GRIP1: variants seen among roughly 807,000 people sequenced by gnomAD.
The protein encoded by GRIP1 is glutamate receptor interacting protein 1, also known as glutamate receptor-interacting protein 1.
Under a neutral mutation model 129.9 loss-of-function variants are expected in GRIP1, and 45 were observed. The ratio of observed to expected loss-of-function variants is 0.35; its 90% CI spans 0.27 to 0.44. GRIP1 has a LOEUF of 0.44. Ranked by LOEUF, GRIP1 falls within the 20% of genes least tolerant of loss-of-function variation. The probability of loss-of-function intolerance (pLI) is 1.00; values close to 1 mark genes in which losing one functional copy is unlikely to be tolerated. For missense variants in GRIP1, 1,196 were observed against 1,396.8 expected (o/e 0.86, Z 2.29); for synonymous variants, 530 against 520.8 (o/e 1.02, Z -0.24).
chr12:67,058,365 T>C (rs1423270596), intron 1 of GRIP1, among the ~76,000 whole-genome samples: 2 of 152,172 alleles, frequency 1.3e-5, no homozygotes, highest in Admixed American at 1.3e-4. Flanking sequence ...TAAATGAAAG[T>C]GAAAAAGAAA....
intron 1 of GRIP1, among the ~76,000 whole-genome samples, chr12:66,821,390 G>C (rs2039315347): frequency 6.6e-6 from 1 of 152,124 alleles, no homozygotes; most frequent in African/African-American, 2.4e-5. Context: ...CTTCATAACT[G>C]TTATATCTTT....
intron 1 of GRIP1, among the ~76,000 whole-genome samples, chr12:66,670,376 G>T (rs1163340882): frequency 2.6e-5 from 4 of 152,148 alleles, no homozygotes; most frequent in Non-Finnish European, 4.4e-5. Context: ...ATTCCTTCCA[G>T]TCTATGCTGA....
upstream of GRIP1, among the ~76,000 whole-genome samples, chr12:66,680,607 C>G (rs1291666739): frequency 1.3e-5 from 2 of 151,632 alleles, no homozygotes; most frequent in Admixed American, 6.6e-5. Context: ...ATTAGGTTAT[C>G]CCTAGAAATA....
intron 1 of GRIP1, among the ~76,000 whole-genome samples, chr12:66,843,512 T>G (rs79553694): frequency 6.6e-6 from 1 of 152,176 alleles, no homozygotes; most frequent in Admixed American, 6.5e-5. Flanking sequence ...CAAACAATCA[T>G]GAAAAGACTA....
At chr12:66,924,551 G>A (rs888927092) in intron 1 of GRIP1, among the ~76,000 whole-genome samples, 2 of 152,084 alleles carry the variant, frequency 1.3e-5, no homozygotes, top group East Asian at 1.9e-4. Flanking sequence ...CTTAAAACTT[G>A]GTATGGAAAT....
At chr12:66,440,688 C>T (rs2058447613) in intron 13 of GRIP1, among the ~76,000 whole-genome samples, 1 of 152,156 alleles carries the variant, frequency 6.6e-6, no homozygotes, top group Non-Finnish European at 1.5e-5. Flanking sequence ...TTCTCTCCCT[C>T]ATTCATGTCA....
At chr12:66,785,498 C>T (rs752134) in intron 1 of GRIP1, among the ~76,000 whole-genome samples, 4,482 of 151,226 alleles carry the variant, frequency 0.03, 211 homozygotes, top group African/African-American at 0.1. Context: ...GGCAACACAG[C>T]AAGACCCTGT....
intron 19 of GRIP1, among the ~76,000 whole-genome samples, chr12:66,381,016 T>C (rs961599746): frequency 6.6e-6 from 1 of 152,202 alleles, no homozygotes; most frequent in Non-Finnish European, 1.5e-5. Context: ...CCCCATTCAC[T>C]TTCTCTCCAC....
Position 66,596,917 on chromosome 12 carries a change from G to A in GRIP1, c.66C>T (p.Pro22=). Residue 22 remains proline, a synonymous_variant, in exon 2 of 25, where the codon CCC becomes CCT. Coordinates refer to ENST00000359742, the MANE Select transcript of GRIP1 (RefSeq NM_001366722.1). ...TTGTCTGGCTGGCGGATTTAGTGTA[G>A]GGACTCTCATCTGCAAAGGTACAAT... The part of the protein sequence containing the change: ...ILRRLTKDES[P]YTKSASQTKP... 1 of 1,611,050 alleles carries A rather than the reference G, an allele frequency of 6.2e-7. No individual in the cohort carries two copies. Among genetic ancestry groups the A allele is most frequent in the Non-Finnish European group, 8.5e-7 (1 of 1,177,214 alleles).
chr12:66,552,959 G>A (rs1463365736), intron 2 of GRIP1, among the ~76,000 whole-genome samples: 5 of 152,148 alleles, frequency 3.3e-5, no homozygotes, highest in African/African-American at 1.2e-4. Flanking sequence ...GCCCTACTCA[G>A]ACCCACTGGA....
At chr12:66,824,213 C>T (rs1006792365) in intron 1 of GRIP1, among the ~76,000 whole-genome samples, 5 of 151,948 alleles carry the variant, frequency 3.3e-5, no homozygotes, top group Non-Finnish European at 5.9e-5. Flanking sequence ...ATCATTTAAC[C>T]AAAAAAATCA....
chr12:66,876,591 T>C (rs1441738522), intron 1 of GRIP1, among the ~76,000 whole-genome samples: 3 of 152,072 alleles, frequency 2.0e-5, no homozygotes, highest in Non-Finnish European at 2.9e-5. Flanking sequence ...ATGCAGCTCA[T>C]GAGCTGCATG....
intron 15 of GRIP1, 48 bp downstream of exon 15, chr12:66,420,672 T>C (rs1239870525): frequency 9.7e-7 from 1 of 1,030,718 alleles, no homozygotes; most frequent in Non-Finnish European, 1.5e-6. Context: ...CATGTTTACT[T>C]AAATTAAGAG....
intron 1 of GRIP1, among the ~76,000 whole-genome samples, chr12:66,829,190 A>C (rs150667269): frequency 1.6e-4 from 24 of 152,292 alleles, no homozygotes; most frequent in Middle Eastern, 6.8e-3. Flanking sequence ...GCAATCACAC[A>C]TATTCTTGTG....
At chr12:66,622,911 G>A (rs74587790) in intron 1 of GRIP1, among the ~76,000 whole-genome samples, 17 of 152,090 alleles carry the variant, frequency 1.1e-4, no homozygotes, top group African/African-American at 3.6e-4. Flanking sequence ...GAGCTCCTGC[G>A]GCACCCCATA....
intron 1 of GRIP1, among the ~76,000 whole-genome samples, chr12:66,896,196 A>G (rs916693225): frequency 6.6e-6 from 1 of 152,188 alleles, no homozygotes; most frequent in Admixed American, 6.5e-5. Flanking sequence ...TGATGGGATG[A>G]CTGGAGGACA....
chr12:66,796,150 A>T (rs2038690577), intron 1 of GRIP1, among the ~76,000 whole-genome samples: 1 of 152,142 alleles, frequency 6.6e-6, no homozygotes, highest in Non-Finnish European at 1.5e-5. Context: ...CTATGTGAAT[A>T]GCAACAGCAG....
intron 13 of GRIP1, 99 bp from the exon 14 acceptor site, chr12:66,432,727 T>C (rs1287922413): frequency 1.5e-6 from 1 of 673,944 alleles, no homozygotes; most frequent in East Asian, 2.7e-5. Context: ...TAATCATATG[T>C]AGCTAAAACT....
intron 14 of GRIP1, among the ~76,000 whole-genome samples, chr12:66,425,533 T>C (rs565277786): frequency 4.6e-5 from 7 of 152,344 alleles, no homozygotes; most frequent in African/African-American, 1.2e-4. Context: ...CGTATGTTTA[T>C]TGGGCACTAT....
Sources: allele counts gnomAD v4.1 joint callset (sites outside exome capture counted in the v4.1 genomes callset), GRCh38; gene constraint gnomAD v4.1.1; transcripts MANE v1.5; gene names NCBI Gene and HGNC (gene_info 2026-07-23, HGNC 2026-07-21).